LRMDA: variants seen among roughly 807,000 people sequenced by gnomAD.
LRMDA encodes leucine-rich melanocyte differentiation-associated protein.
LRMDA carries 18 observed loss-of-function variants against 29.8 expected under a neutral mutation model. The observed-to-expected ratio is 0.60, with a 90% CI of 0.42 to 0.90. The LOEUF (loss-of-function observed/expected upper bound fraction) is 0.90, where lower values mean the gene tolerates loss of function less well. Ranked by LOEUF, LRMDA falls within the 40% of genes least tolerant of loss-of-function variation. LRMDA has a pLI of 0.00. For synonymous variants in LRMDA, 125 were observed against 109.4 expected, an observed-to-expected ratio of 1.14 and a Z score of -0.89; for missense variants, 273 against 273.9, an observed-to-expected ratio of 1.00 and a Z score of 0.02.
intron 2 of LRMDA, among the ~76,000 whole-genome samples, chr10:75,704,514 C>T (rs970943859): frequency 6.6e-6 from 1 of 152,146 alleles, no homozygotes; most frequent in African/African-American, 2.4e-5. Context: ...CATTATCCAC[C>T]TCCCCACTCC....
intron 6 of LRMDA, among the ~76,000 whole-genome samples, chr10:76,510,474 C>CATG (rs1467488696): frequency 6.6e-6 from 1 of 152,000 alleles, no homozygotes; most frequent in Non-Finnish European, 1.5e-5. Context: ...AAAAATGAGC[C>CATG]ATGATGATTG....
At chr10:76,013,675 T>TG (rs1291713134) in intron 2 of LRMDA, among the ~76,000 whole-genome samples, 2 of 150,706 alleles carry the variant, frequency 1.3e-5, no homozygotes, top group Non-Finnish European at 3.0e-5. Context: ...CAGAGGGAGG[T>TG]GGGGGGGAAG....
chr10:75,672,291 G>T (rs1224589739), intron 2 of LRMDA, among the ~76,000 whole-genome samples: 2 of 151,982 alleles, frequency 1.3e-5, no homozygotes, highest in Non-Finnish European at 2.9e-5. Flanking sequence ...GCCCGGAAAA[G>T]GGGAAAAAGG....
intron 5 of LRMDA, among the ~76,000 whole-genome samples, chr10:76,295,847 CT>C (rs1243053763): frequency 1.1e-4 from 17 of 152,140 alleles, no homozygotes; most frequent in Non-Finnish European, 2.5e-4. Flanking sequence ...ATTCCATTTC[CT>C]TCCTAAAGTC....
chr10:76,123,342 C>CA (rs3042573), intron 5 of LRMDA, among the ~76,000 whole-genome samples: 22,595 of 143,918 alleles, frequency 0.16, 1,964 homozygotes, highest in Non-Finnish European at 0.21. Flanking sequence ...TTATTTCTAC[C>CA]AAAAAAAAAA....
At chr10:76,451,714 A>G (rs1332956801) in intron 6 of LRMDA, among the ~76,000 whole-genome samples, 2 of 147,990 alleles carry the variant, frequency 1.4e-5, no homozygotes, top group Non-Finnish European at 3.0e-5. Context: ...CTGGAGTGCA[A>G]TGGTGTGCTC....
At chr10:75,964,507 T>C (rs913674978) in intron 2 of LRMDA, among the ~76,000 whole-genome samples, 2 of 152,262 alleles carry the variant, frequency 1.3e-5, no homozygotes, top group African/African-American at 4.8e-5. Flanking sequence ...CCTTATGTTT[T>C]GTTTCCTTTT....
At chr10:75,933,672 C>T (rs1457202688) in intron 2 of LRMDA, among the ~76,000 whole-genome samples, 1 of 152,090 alleles carries the variant, frequency 6.6e-6, no homozygotes, top group Non-Finnish European at 1.5e-5. Context: ...GTAGAAATAG[C>T]TTCACAAGTT....
At chr10:75,471,183 T>G (rs567058240) in intron 2 of LRMDA, among the ~76,000 whole-genome samples, 4 of 151,956 alleles carry the variant, frequency 2.6e-5, no homozygotes, top group African/African-American at 9.7e-5. Context: ...CACTTATAAT[T>G]TCATCACCTT....
chr10:75,458,861 A>T (rs1172874531), intron 2 of LRMDA, among the ~76,000 whole-genome samples: 2 of 152,214 alleles, frequency 1.3e-5, no homozygotes, highest in Non-Finnish European at 2.9e-5. Context: ...AGACCTTGCA[A>T]GGAGCAAGCG....
chr10:75,915,208 G>A (rs1252964789), intron 2 of LRMDA, among the ~76,000 whole-genome samples: 1 of 131,424 alleles, frequency 7.6e-6, no homozygotes, highest in Non-Finnish European at 1.5e-5. Context: ...CGTGATCTCA[G>A]CACTGCAACC....
At chr10:76,241,745 A>G (rs1042492665) in intron 5 of LRMDA, among the ~76,000 whole-genome samples, 3 of 152,096 alleles carry the variant, frequency 2.0e-5, no homozygotes, top group Admixed American at 6.5e-5. Flanking sequence ...CCTGACCCCC[A>G]TCCTCACCAG....
intron 6 of LRMDA, among the ~76,000 whole-genome samples, chr10:76,495,545 G>T (rs562018410): frequency 1.3e-5 from 2 of 151,756 alleles, no homozygotes; most frequent in Admixed American, 6.6e-5. Flanking sequence ...GATAGGCATT[G>T]CATTAAACCT....
chr10:76,258,041 A>T (rs1839888852), intron 5 of LRMDA, among the ~76,000 whole-genome samples: 1 of 152,230 alleles, frequency 6.6e-6, no homozygotes, highest in Non-Finnish European at 1.5e-5. Flanking sequence ...TTAATGACTC[A>T]TTGGACAAAA....
rs1589267452 is a variant in LRMDA, at chr10:75,959,621, T to C, written c.132-76387T>C. The stretch of plus-strand genomic sequence containing the variant: ...ATATTGAGAACTCAGCTAAGTAGTT[T>C]AGAAGGCCTCTACGATATATATGTG... On this transcript the variant is annotated intron_variant, in intron 2 of 6. Transcript: ENST00000611255. Among the ~76,000 whole-genome samples the C allele has an allele frequency of 2.0e-5, 3 of 152,322 alleles. No individual in the cohort carries two copies. In the South Asian group the frequency reaches 6.2e-4, roughly 32 times the overall value.
At chr10:76,353,330 T>TTG (rs3998122) in intron 6 of LRMDA, among the ~76,000 whole-genome samples, 48,457 of 145,886 alleles carry the variant, frequency 0.33, 8,637 homozygotes, top group Non-Finnish European at 0.43. Context: ...AGCTGTGGAG[T>TTG]TGTGTGTGTG....
At chr10:76,128,115 A>T (rs1162453116) in intron 5 of LRMDA, among the ~76,000 whole-genome samples, 1 of 152,220 alleles carries the variant, frequency 6.6e-6, no homozygotes, top group Admixed American at 6.5e-5. Context: ...TTCTCCAATA[A>T]CTTGCCTGGA....
At chr10:75,949,589 T>A (rs1292075993) in intron 2 of LRMDA, among the ~76,000 whole-genome samples, 5 of 152,152 alleles carry the variant, frequency 3.3e-5, no homozygotes, top group African/African-American at 1.2e-4. Context: ...AATAGAACTA[T>A]CCTCTAGCCC....
chr10:76,397,811 G>T (rs1283848954), intron 6 of LRMDA, among the ~76,000 whole-genome samples: 2 of 151,884 alleles, frequency 1.3e-5, no homozygotes, highest in African/African-American at 4.9e-5. Flanking sequence ...ATAGGGAAAT[G>T]CCTGAAGACT....
Sources: gnomAD v4.1 joint callset for allele counts (sites outside exome capture counted in the v4.1 genomes callset) on GRCh38, gnomAD v4.1.1 for gene constraint, MANE v1.5 for transcripts, NCBI Gene and HGNC (gene_info 2026-07-23, HGNC 2026-07-21) for gene names.